Variants in MAN1A2 observed in about 807,000 individuals in gnomAD.
MAN1A2 encodes the protein mannosyl-oligosaccharide 1,2-alpha-mannosidase IB.
Under a neutral mutation model 75.7 loss-of-function variants are expected in MAN1A2, and 26 were observed. The observed-to-expected ratio is 0.34, with a 90% CI of 0.25 to 0.48. MAN1A2 has a LOEUF of 0.48. Ranked by LOEUF, MAN1A2 falls within the 20% of genes least tolerant of loss-of-function variation. The pLI, the probability that MAN1A2 is intolerant of heterozygous loss-of-function variation, is 0.99. For synonymous variants in MAN1A2, 247 were observed against 264.6 expected (o/e 0.93, Z 0.65); for missense variants, 562 against 775.5 (o/e 0.72, Z 3.27).
intron 12 of MAN1A2, among the ~76,000 whole-genome samples, chr1:117,509,159 A>C (rs1252491159): frequency 6.6e-6 from 1 of 151,840 alleles, no homozygotes; most frequent in Non-Finnish European, 1.5e-5. Context: ...GTAAAGTAAA[A>C]GACAGATGGC....
In MAN1A2 at chr1:117,368,062, C is replaced by T. The variant is rs936873954; in HGVS notation, c.-122C>T. The T allele has an allele frequency of 1.2e-5, 11 of 943,154 alleles. No individual in the cohort carries two copies. The highest frequency in any genetic ancestry group is 1.7e-5 in the Non-Finnish European group (11 of 628,990). The allele number at this position is 943,154 out of a possible 1,614,324, so 58.4% of individuals were successfully genotyped here. On this transcript the variant is annotated 5_prime_UTR_variant, in exon 1 of 13. Coordinates refer to ENST00000356554, the MANE Select transcript of MAN1A2 (RefSeq NM_006699.5). ...GTGCCCTCTTAAAAAGCACAACAGT[C>T]CTTTAAGAGGAGCAAAATTGAGTTT...
intron 8 of MAN1A2, among the ~76,000 whole-genome samples, chr1:117,467,322 A>G (rs1650010990): frequency 6.6e-6 from 1 of 152,170 alleles, no homozygotes; most frequent in South Asian, 2.1e-4. Flanking sequence ...TGATCATTTA[A>G]TTTTAGTATT....
chr1:117,428,634 G>A (rs148965471), intron 5 of MAN1A2, among the ~76,000 whole-genome samples: 87 of 152,004 alleles, frequency 5.7e-4, no homozygotes, highest in African/African-American at 2.0e-3. Flanking sequence ...GTCTAAAAAA[G>A]ACACACTTAA....
intron 12 of MAN1A2, among the ~76,000 whole-genome samples, chr1:117,520,723 T>G (rs1413040550): frequency 1.3e-5 from 2 of 152,034 alleles, no homozygotes; most frequent in Non-Finnish European, 2.9e-5. Flanking sequence ...AGAATGAATA[T>G]TGTGAAAATG....
chr1:117,383,499 T>A (rs1653421990), intron 1 of MAN1A2, among the ~76,000 whole-genome samples: 1 of 152,154 alleles, frequency 6.6e-6, no homozygotes, highest in South Asian at 2.1e-4. Flanking sequence ...ATTCCTCCTC[T>A]GTTGTTTTTA....
chr1:117,464,546 T>G (rs1366715893), intron 7 of MAN1A2, among the ~76,000 whole-genome samples: 1 of 152,022 alleles, frequency 6.6e-6, no homozygotes, highest in Non-Finnish European at 1.5e-5. Context: ...TAGAGCACAA[T>G]TCTCTAAATT....
intron 8 of MAN1A2, among the ~76,000 whole-genome samples, chr1:117,484,432 T>C (rs1369433976): frequency 2.6e-5 from 4 of 151,970 alleles, no homozygotes; most frequent in Non-Finnish European, 5.9e-5. Context: ...TTCAGATTGC[T>C]AGTGGCACTT....
chr1:117,425,604 T>C (rs915306516), intron 5 of MAN1A2, among the ~76,000 whole-genome samples: 1 of 152,178 alleles, frequency 6.6e-6, no homozygotes, highest in Admixed American at 6.5e-5. Context: ...AAACATCATA[T>C]AATCTTATTA....
chr1:117,441,009 T>A (rs1206786149), intron 5 of MAN1A2, among the ~76,000 whole-genome samples: 1 of 152,100 alleles, frequency 6.6e-6, no homozygotes, highest in Non-Finnish European at 1.5e-5. Flanking sequence ...AATTATAATG[T>A]TTTTCTTTGG....
intron 1 of MAN1A2, among the ~76,000 whole-genome samples, chr1:117,382,726 T>A (rs1325136492): frequency 6.6e-6 from 1 of 152,128 alleles, no homozygotes; most frequent in Admixed American, 6.5e-5. Flanking sequence ...AAGAAAGTCA[T>A]TGGTAGCTTG....
chr1:117,417,706 A>ACACACT (rs1553232820), intron 4 of MAN1A2, among the ~76,000 whole-genome samples: 112 of 143,594 alleles, frequency 7.8e-4, no homozygotes, highest in East Asian at 5.9e-3. Flanking sequence ...ACACACACAC[A>ACACACT]CTCTCTCTCT....
intron 12 of MAN1A2, among the ~76,000 whole-genome samples, chr1:117,520,190 A>G (rs543262767): frequency 6.6e-5 from 10 of 152,126 alleles, no homozygotes; most frequent in African/African-American, 2.2e-4. Context: ...AATAAAACCA[A>G]CTGTGACAAA....
chr1:117,425,133 A>G (rs1302832082), intron 5 of MAN1A2, among the ~76,000 whole-genome samples: 1 of 131,476 alleles, frequency 7.6e-6, no homozygotes. Flanking sequence ...GGGGGAAGGA[A>G]GGGGAAAGGA....
Position 117,511,482 on chromosome 1 carries a change from A to AT in MAN1A2, c.1793+8523dup, listed in dbSNP as rs893923645. Among the ~76,000 whole-genome samples, 79 of 147,692 alleles carry AT rather than the reference A, an allele frequency of 5.3e-4. No homozygotes were observed. In the East Asian group the frequency reaches 8.7e-3, roughly 16 times the overall value. ...GAGTCATCATGCTCAGCCTAGATGG[A>AT]TTTTTTTTTTTAATCTATCTTCCAG... On this transcript the variant is annotated intron_variant, in intron 12 of 12. Coordinates refer to ENST00000356554, the MANE Select transcript of MAN1A2 (RefSeq NM_006699.5).
chr1:117,433,741 C>T lies in MAN1A2; in HGVS notation c.856-8490C>T, dbSNP rs147972090. ...TGTAGTCATTACTGCACACACTTTG[C>T]AGTTTGCACTGATGGTCCCACTGAT... On this transcript the variant is annotated intron_variant, in intron 5 of 12. Transcript: ENST00000356554. 3.8e-4 allele frequency among the ~76,000 whole-genome samples: 58 copies of T among 152,264 alleles called. No individual in the cohort carries two copies. In the East Asian group the frequency reaches 0.011, roughly 28 times the overall value.
At position 117,431,036 on chromosome 1, in the gene MAN1A2, C is replaced by T. The variant is rs1404601041; in HGVS notation, c.855+10387C>T. Among the ~76,000 whole-genome samples the T allele has an allele frequency of 6.7e-3, 896 of 132,884 alleles. 8 individuals carry two copies. The highest frequency in any genetic ancestry group is 0.024 in the African/African-American group (839 of 34,936). 87.2% of individuals were successfully genotyped at this position (132,884 alleles called of 152,430 possible). A position where few individuals can be genotyped will look rare whatever the true frequency, so the allele number is the denominator to read the frequency against. On this transcript the variant is annotated intron_variant, in intron 5 of 12. Coordinates refer to ENST00000356554, the MANE Select transcript of MAN1A2 (RefSeq NM_006699.5). ...CGGCCCGGCCAACACAGTGAAACCC[C>T]GTCTCCACCAAAACCAGTCAGGCGT...
chr1:117,528,553 CATA>C lies in MAN1A2; in HGVS notation c.*5601_*5603del, dbSNP rs1652089947. On this transcript the variant is annotated 3_prime_UTR_variant, in exon 13 of 13. Coordinates refer to ENST00000356554, the MANE Select transcript of MAN1A2 (RefSeq NM_006699.5). ...ATTCTGTAAGATGTATACCAGAAAA[CATA>C]ATAAAGATAAGCTCAGTTCTTCATT... is the stretch of plus-strand genomic sequence containing the variant. 1 of 152,112 alleles carries C rather than the reference CATA, an allele frequency of 6.6e-6. No individual in the cohort carries two copies. The highest frequency in any genetic ancestry group is 1.5e-5 in the Non-Finnish European group (1 of 67,952). 9.4% of individuals were successfully genotyped at this position (152,112 alleles called of 1,614,324 possible). A position where few individuals can be genotyped will look rare whatever the true frequency, so the allele number is the denominator to read the frequency against.
At chr1:117,411,503 C>G (rs1179880756) in intron 3 of MAN1A2, among the ~76,000 whole-genome samples, 2 of 151,680 alleles carry the variant, frequency 1.3e-5, no homozygotes, top group African/African-American at 4.8e-5. Context: ...ATCTTTGTGA[C>G]TTTGAGGTTA....
At chr1:117,447,188 A>G (rs571299020) in intron 6 of MAN1A2, among the ~76,000 whole-genome samples, 1 of 152,246 alleles carries the variant, frequency 6.6e-6, no homozygotes, top group South Asian at 2.1e-4. Flanking sequence ...AGTTTGGATC[A>G]TAATACAAAT....
Sources: allele counts gnomAD v4.1 joint callset (sites outside exome capture counted in the v4.1 genomes callset), GRCh38; gene constraint gnomAD v4.1.1; transcripts MANE v1.5; gene names NCBI Gene and HGNC (gene_info 2026-07-23, HGNC 2026-07-21).